The following PCDHGA2 variants were observed in gnomAD, a reference collection of about 807,000 sequenced individuals.
PCDHGA2 encodes the protein protocadherin gamma-A2.
A neutral mutation model predicts 59.2 loss-of-function variants in PCDHGA2; 40 were observed. The observed-to-expected ratio is 0.68, with a 90% CI of 0.52 to 0.88. The LOEUF (loss-of-function observed/expected upper bound fraction) is 0.88. PCDHGA2 is among the 40% of genes least tolerant of loss of function. The pLI, the probability that PCDHGA2 is intolerant of heterozygous loss-of-function variation, is 0.00. For missense variants in PCDHGA2, 1,226 were observed against 1,204.0 expected (o/e 1.02, Z -0.27); for synonymous variants, 560 against 526.0 (o/e 1.06, Z -0.89).
chr5:141,410,333 A>G lies in PCDHGA2; in HGVS notation c.2424+68938A>G, dbSNP rs774436706. 4.7e-5 allele frequency: 76 copies of G among 1,613,666 alleles called. No individual in the cohort carries two copies. Among genetic ancestry groups the G allele is most frequent in the Non-Finnish European group, 4.0e-5 (47 of 1,179,884 alleles). ...CTTCCTCCTCGCCGTGATTCTGGCC[A>G]TTGCCTTGCGCCTGCGACGCTCTCT... On this transcript the variant is annotated intron_variant, in intron 1 of 3. Transcript: ENST00000394576.
chr5:141,396,477 A>C (rs920260792), intron 1 of PCDHGA2: 1 of 152,040 alleles, frequency 6.6e-6, no homozygotes, highest in Non-Finnish European at 1.5e-5. Context: ...AAAATTAGCC[A>C]GGCATGGTGG....
At chr5:141,383,314 A>C (rs1362079173) in intron 1 of PCDHGA2, 4 of 1,613,886 alleles carry the variant, frequency 2.5e-6, no homozygotes, top group Non-Finnish European at 8.5e-7. Flanking sequence ...GGAAGAAATA[A>C]ATGTAAAAAT....
rs1562187768 is a variant in PCDHGA2, at chr5:141,499,029, A to AAGG, written c.2483+4165_2483+4166insGGA. 5.0e-3 allele frequency among the ~76,000 whole-genome samples: 706 copies of AAGG among 140,066 alleles called. 6 individuals carry two copies. Among genetic ancestry groups the AAGG allele is most frequent in the African/African-American group, 0.019 (683 of 36,064 alleles). The allele number at this position is 140,066 out of a possible 152,430, so 91.9% of individuals were successfully genotyped here. A position where few individuals can be genotyped will look rare whatever the true frequency, so the allele number is the denominator to read the frequency against. ...GGAAGGAAGGAAGGAAGGAAGGAAG[A>AAGG]AAAGAAAGAAAAAGGGAGAAAAAAT... On this transcript the variant is annotated intron_variant, in intron 2 of 3. Transcript: ENST00000394576.
chr5:141,419,151 C>G, intron 1 of PCDHGA2: 3 of 1,613,918 alleles, frequency 1.9e-6, no homozygotes, highest in Non-Finnish European at 1.7e-6. Flanking sequence ...GGCAAGCCTC[C>G]GTTATCCTCC....
At chr5:141,415,702 GC>G (rs754496290) in intron 1 of PCDHGA2, 1 of 1,403,056 alleles carries the variant, frequency 7.1e-7, no homozygotes, top group South Asian at 1.3e-5. Context: ...AAGTGTAAAT[GC>G]TAAAACACTG....
Position 141,431,473 on chromosome 5 carries a change from C to G in PCDHGA2, c.2425-63334C>G, listed in dbSNP as rs750300971. ...TGATGGTTCTGGATGCGAACGACAA[C>G]GCACCAGCGTTTGCTCAGCCCGAGT... On this transcript the variant is annotated intron_variant, in intron 1 of 3. Coordinates refer to ENST00000394576, the MANE Select transcript of PCDHGA2 (RefSeq NM_018915.4). This position sits in a 1 kb window ranked among gnomAD's most constrained non-coding sequence, Gnocchi z 4.8. 5.0e-6 allele frequency: 8 copies of G among 1,613,832 alleles called. No homozygotes were observed. The highest frequency in any genetic ancestry group is 1.7e-5 in the Admixed American group (1 of 60,026).
At chr5:141,478,665 A>G (rs749063178) in intron 1 of PCDHGA2, 88 of 1,551,690 alleles carry the variant, frequency 5.7e-5, no homozygotes, top group Non-Finnish European at 3.7e-5. Flanking sequence ...ATGCATTCAC[A>G]CTTTCAACTG....
At chr5:141,355,102 C>T in intron 1 of PCDHGA2, 1 of 1,501,220 alleles carries the variant, frequency 6.7e-7, no homozygotes, top group Non-Finnish European at 8.9e-7. Flanking sequence ...AGAGCTCTGG[C>T]TGTGAATGCA....
chr5:141,365,359 T>C, intron 1 of PCDHGA2: 1 of 1,613,920 alleles, frequency 6.2e-7, no homozygotes, highest in South Asian at 1.1e-5. Context: ...TGAATGACAA[T>C]GCCCCCGAAG....
At chr5:141,354,107 A>G (rs1280239556) in intron 1 of PCDHGA2, among the ~76,000 whole-genome samples, 1 of 152,252 alleles carries the variant, frequency 6.6e-6, no homozygotes, top group African/African-American at 2.4e-5. Flanking sequence ...CTAAAATGAG[A>G]GCTAAAGTAA....
chr5:141,371,942 G>A, intron 1 of PCDHGA2: 5 of 1,613,292 alleles, frequency 3.1e-6, no homozygotes, highest in South Asian at 2.2e-5. Flanking sequence ...TGGTGTTCGC[G>A]CAGCGAGCCT....
At chr5:141,409,352 T>G in intron 1 of PCDHGA2, 1 of 1,613,980 alleles carries the variant, frequency 6.2e-7, no homozygotes, top group Non-Finnish European at 8.5e-7. Flanking sequence ...AGAAGTCAGG[T>G]GTAATATAGA....
chr5:141,403,007 C>T (rs774624797), intron 1 of PCDHGA2: 10 of 1,613,940 alleles, frequency 6.2e-6, no homozygotes, highest in Non-Finnish European at 8.5e-6. Context: ...GCTATGCTCG[C>T]TCCTGGGGAT....
rs529029548 is a variant in PCDHGA2 at position 141,483,337 on chromosome 5, T to C, written c.2425-11470T>C. 9.2e-5 allele frequency among the ~76,000 whole-genome samples: 14 copies of C among 152,260 alleles called. No homozygotes were observed. In the East Asian group the frequency reaches 2.5e-3, roughly 27 times the overall value. On this transcript the variant is annotated intron_variant, in intron 1 of 3. Transcript: ENST00000394576. Reference sequence around the variant, plus strand: ...TGGGACTGGAGGCAAAGAGATCTTATCTCTTTGCAATAGTTTGAAAGCTAT... The same window carrying C: ...TGGGACTGGAGGCAAAGAGATCTTACCTCTTTGCAATAGTTTGAAAGCTAT...
chr5:141,500,433 T>C (rs1398344932), intron 2 of PCDHGA2, among the ~76,000 whole-genome samples: 1 of 151,764 alleles, frequency 6.6e-6, no homozygotes, highest in East Asian at 1.9e-4. Context: ...ATGGTCTCGA[T>C]CTCCTGACCT....
rs759809060 is a variant in PCDHGA2, at chr5:141,476,317, G to A, written c.2425-18490G>A. 1.2e-6 allele frequency: 2 copies of A among 1,614,170 alleles called. No individual in the cohort carries two copies. Among genetic ancestry groups the A allele is most frequent in the South Asian group, 2.2e-5 (2 of 91,078 alleles). On this transcript the variant is annotated intron_variant, in intron 1 of 3. Coordinates refer to ENST00000394576, the MANE Select transcript of PCDHGA2 (RefSeq NM_018915.4). This position sits in a 1 kb window ranked among gnomAD's most constrained non-coding sequence, Gnocchi z 7.6. Reference sequence around the variant, plus strand: ...GTAGCCTCTCAGCCCGCAGGTTCCGGGTGGTGTCTGGAGCTAGCCGAAGAT... The same window carrying A: ...GTAGCCTCTCAGCCCGCAGGTTCCGAGTGGTGTCTGGAGCTAGCCGAAGAT...
rs1236961370 is a variant in PCDHGA2, at chr5:141,512,621, C to T, written c.*1448C>T. 1 of 152,964 alleles carries T rather than the reference C, an allele frequency of 6.5e-6. No homozygotes were observed. The highest frequency in any genetic ancestry group is 1.5e-5 in the Non-Finnish European group (1 of 68,612). 9.5% of individuals were successfully genotyped at this position (152,964 alleles called of 1,614,324 possible). A position where few individuals can be genotyped will look rare whatever the true frequency, so the allele number is the denominator to read the frequency against. Reference sequence around the variant, plus strand: ...CCATCCAGCGGGGCTGCCAGAGAACCCCAGACCTGCCCTTACAGTAGTGTA... The same window carrying T: ...CCATCCAGCGGGGCTGCCAGAGAACTCCAGACCTGCCCTTACAGTAGTGTA... On this transcript the variant is annotated 3_prime_UTR_variant, in exon 4 of 4. Coordinates refer to ENST00000394576, the MANE Select transcript of PCDHGA2 (RefSeq NM_018915.4).
rs143317584 is a variant in PCDHGA2 at position 141,432,282 on chromosome 5, A to G, written c.2425-62525A>G. 5.0e-5 allele frequency: 81 copies of G among 1,613,850 alleles called. No homozygotes were observed. The African/African-American group carries it at 6.4e-4, about 13-fold the overall frequency. ...AGCCTATCGTCCTACGTGTCCATCAACTCCGACACTGGGGTACTGTATGCG... is the reference window on the plus strand; with the variant it reads ...AGCCTATCGTCCTACGTGTCCATCAGCTCCGACACTGGGGTACTGTATGCG... On this transcript the variant is annotated intron_variant, in intron 1 of 3. Transcript: ENST00000394576. This position sits in a 1 kb window ranked among gnomAD's most constrained non-coding sequence, Gnocchi z 6.0.
intron 1 of PCDHGA2, chr5:141,388,302 C>G: frequency 6.2e-7 from 1 of 1,613,700 alleles, no homozygotes; most frequent in Non-Finnish European, 8.5e-7. Context: ...TTCCTTTGAG[C>G]TGCAAATAAG....
Sources: gnomAD v4.1 joint callset for allele counts (sites outside exome capture counted in the v4.1 genomes callset) on GRCh38, gnomAD v4.1.1 for gene constraint, Gnocchi (gnomAD v3.1) non-coding constraint, MANE v1.5 for transcripts, NCBI Gene and HGNC (gene_info 2026-07-23, HGNC 2026-07-21) for gene names.